SYCP2L: variants seen among roughly 807,000 people sequenced by gnomAD.
SYCP2L encodes the protein synaptonemal complex protein 2 like.
A neutral mutation model predicts 125.8 loss-of-function variants in SYCP2L; 98 were observed. That is an observed-to-expected ratio of 0.78 (90% CI 0.66 to 0.92). SYCP2L has a LOEUF of 0.92. Ranked by LOEUF, SYCP2L falls within the 40% of genes least tolerant of loss-of-function variation. SYCP2L has a pLI of 0.00. For missense variants in SYCP2L, 842 were observed against 936.4 expected, an observed-to-expected ratio of 0.90 and a Z score of 1.32; for synonymous variants, 317 against 325.4, an observed-to-expected ratio of 0.97 and a Z score of 0.28.
intron 21 of SYCP2L, among the ~76,000 whole-genome samples, chr6:10,939,548 A>G (rs1781174877): frequency 6.6e-6 from 1 of 152,230 alleles, no homozygotes; most frequent in Non-Finnish European, 1.5e-5. Context: ...AGATAACATT[A>G]TGGGCCCAGA....
intron 14 of SYCP2L, among the ~76,000 whole-genome samples, chr6:10,915,653 G>C (rs1780681291): frequency 6.6e-6 from 1 of 152,104 alleles, no homozygotes; most frequent in Admixed American, 6.5e-5. Flanking sequence ...AACCATTCCT[G>C]CATCCCTGGT....
chr6:10,926,251 G>A (rs1292023919), intron 15 of SYCP2L, 88 bp from the exon 16 acceptor site: 1 of 949,770 alleles, frequency 1.1e-6, no homozygotes, highest in African/African-American at 1.7e-5. Context: ...TTATCAGTGT[G>A]TTTTGTTCTA....
chr6:10,934,171 C>T (rs773746619), intron 20 of SYCP2L, among the ~76,000 whole-genome samples: 3 of 152,172 alleles, frequency 2.0e-5, no homozygotes, highest in African/African-American at 4.8e-5. Context: ...TTTATTCTCC[C>T]TCCCCTTTGG....
chr6:10,912,843 A>G lies in SYCP2L; in HGVS notation c.1012-24A>G. On this transcript the variant is annotated intron_variant, in intron 13 of 29. Coordinates refer to ENST00000283141, the MANE Select transcript of SYCP2L (RefSeq NM_001040274.3). This position sits in a 1 kb window ranked among gnomAD's most constrained non-coding sequence, Gnocchi z 4.1. Reference sequence around the variant, plus strand: ...GTAAGTATGTGTTTTGCACTCATGAATTTCACTTATTTATTTTCCCAAGAA... The same window carrying G: ...GTAAGTATGTGTTTTGCACTCATGAGTTTCACTTATTTATTTTCCCAAGAA... The G allele has an allele frequency of 1.2e-6, 2 of 1,613,128 alleles. No homozygotes were observed. The highest frequency in any genetic ancestry group is 2.2e-5 in the South Asian group (2 of 90,978).
At chr6:10,892,271 G>A (rs1780186867) in intron 2 of SYCP2L, among the ~76,000 whole-genome samples, 1 of 152,116 alleles carries the variant, frequency 6.6e-6, no homozygotes, top group African/African-American at 2.4e-5. Context: ...AAGGATTTTG[G>A]GTTTATTTTT....
At chr6:10,961,100 C>T (rs964018145) in intron 26 of SYCP2L, among the ~76,000 whole-genome samples, 1 of 150,734 alleles carries the variant, frequency 6.6e-6, no homozygotes, top group Non-Finnish European at 1.5e-5. Context: ...AAAAAGATGA[C>T]CTGAGAGTTT....
chr6:10,935,127 G>C lies in SYCP2L; in HGVS notation c.1753G>C (p.Glu585Gln). The C allele has an allele frequency of 6.2e-7, 1 of 1,613,096 alleles. No individual in the cohort carries two copies. The highest frequency in any genetic ancestry group is 8.5e-7 in the Non-Finnish European group (1 of 1,179,616). The change falls in exon 21 of 30, where the codon GAA becomes CAA. Residue 585 changes from glutamate to glutamine, a missense_variant. Glu to Gln is a conservative substitution (Grantham distance 29, BLOSUM62 2). Transcript: ENST00000283141. ...QNNTTSPKTS[E>Q]QKFQDSFAFL... ...TAACACCACATCTCCAAAGACTTCTGAACAAAAATTCCAAGATAGTTTTGC... is the reference window on the plus strand; with the variant it reads ...TAACACCACATCTCCAAAGACTTCTCAACAAAAATTCCAAGATAGTTTTGC...
intron 14 of SYCP2L, among the ~76,000 whole-genome samples, chr6:10,917,915 T>C (rs1780718364): frequency 6.6e-6 from 1 of 152,150 alleles, no homozygotes; most frequent in African/African-American, 2.4e-5. Flanking sequence ...GCTTATTTTC[T>C]CTGGATACTA....
At chr6:10,916,052 G>T (rs562754164) in intron 14 of SYCP2L, among the ~76,000 whole-genome samples, 81 of 152,238 alleles carry the variant, frequency 5.3e-4, no homozygotes, top group Non-Finnish European at 9.3e-4. Context: ...AGCTAGGAGG[G>T]TTGTATCTTT....
chr6:10,959,882 AAAG>A lies in SYCP2L; in HGVS notation c.2255+1010_2255+1012del, dbSNP rs1262453782. The stretch of plus-strand genomic sequence containing the variant: ...AAAACTCTGTCTCAAAAAAAAAAAA[AAAG>A]AAAGAAAGAAAAGAAAACACCATAC... On this transcript the variant is annotated intron_variant, in intron 26 of 29. Transcript: ENST00000283141. 7.7e-3 allele frequency among the ~76,000 whole-genome samples: 1,163 copies of A among 151,374 alleles called. 18 individuals are homozygous for A. The highest frequency in any genetic ancestry group is 0.025 in the African/African-American group (1,027 of 41,228).
chr6:10,931,209 G>A (rs1407960280), intron 19 of SYCP2L, among the ~76,000 whole-genome samples: 1 of 152,196 alleles, frequency 6.6e-6, no homozygotes, highest in African/African-American at 2.4e-5. Flanking sequence ...AGCATGTGAG[G>A]GTGACATTCA....
At chr6:10,958,706 C>CT (rs1277034755) in intron 25 of SYCP2L, 78 bp from the exon 26 acceptor site, 1 of 1,332,026 alleles carries the variant, frequency 7.5e-7, no homozygotes, top group East Asian at 2.4e-5. Context: ...CTGGCAGCAT[C>CT]TTTTTAACAC....
chr6:10,895,579 C>T (rs1460665040), intron 4 of SYCP2L, among the ~76,000 whole-genome samples: 1 of 150,424 alleles, frequency 6.6e-6, no homozygotes, highest in African/African-American at 2.4e-5. Flanking sequence ...CGCTTGCTAC[C>T]GTGGCGTGCC....
chr6:10,910,755 G>A (rs1561684537), intron 11 of SYCP2L, 69 bp from the exon 12 acceptor site: 1 of 1,530,502 alleles, frequency 6.5e-7, no homozygotes, highest in South Asian at 1.1e-5. Context: ...AGTGCTTGTT[G>A]CGGAACGTCT....
intron 10 of SYCP2L, among the ~76,000 whole-genome samples, chr6:10,908,185 T>A (rs1489193490): frequency 6.6e-6 from 1 of 152,016 alleles, no homozygotes; most frequent in East Asian, 1.9e-4. Flanking sequence ...ACCATGTCTG[T>A]CTAGGACTTC....
At chr6:10,973,268 C>G (rs1414967324) in intron 29 of SYCP2L, among the ~76,000 whole-genome samples, 16 of 152,146 alleles carry the variant, frequency 1.1e-4, no homozygotes, top group Non-Finnish European at 2.4e-4. Context: ...CATGGTGGCT[C>G]ACGCCTGTAA....
rs536852842 is a variant in SYCP2L at position 10,904,971 on chromosome 6, GTC to G, written c.642-1043_642-1042del. Among the ~76,000 whole-genome samples, 415 of 151,608 alleles carry G rather than the reference GTC, an allele frequency of 2.7e-3. 4 individuals carry two copies. The highest frequency in any genetic ancestry group is 9.8e-3 in the African/African-American group (403 of 41,320). ...AGCCTGACCAACATGGTGAAGCCCC[GTC>G]TCTCTTAAAAATACAAAACATTAGC... On this transcript the variant is annotated intron_variant, in intron 8 of 29. Transcript: ENST00000283141.
intron 14 of SYCP2L, among the ~76,000 whole-genome samples, chr6:10,917,984 C>G (rs1040164143): frequency 2.0e-5 from 3 of 152,132 alleles, no homozygotes; most frequent in Non-Finnish European, 2.9e-5. Flanking sequence ...CCAATCCCTT[C>G]TAGCTTGTAG....
chr6:10,963,424 T>G, intron 28 of SYCP2L: 1 of 270,864 alleles, frequency 3.7e-6, no homozygotes, highest in South Asian at 4.1e-5. Flanking sequence ...ATCTTATGTT[T>G]TCATGTCAGT....
Sources: gnomAD v4.1 joint callset for allele counts (sites outside exome capture counted in the v4.1 genomes callset) on GRCh38, gnomAD v4.1.1 for gene constraint, Gnocchi (gnomAD v3.1) non-coding constraint, MANE v1.5 for transcripts, NCBI Gene and HGNC (gene_info 2026-07-23, HGNC 2026-07-21) for gene names.